Variants in TUBB3 observed in about 807,000 individuals in gnomAD.
TUBB3 encodes the protein tubulin beta-3 chain.
TUBB3 carries 17 observed loss-of-function variants against 37.8 expected under a neutral mutation model. That is an observed-to-expected ratio of 0.45 (90% confidence interval 0.31 to 0.67). The LOEUF (loss-of-function observed/expected upper bound fraction) is 0.67. TUBB3 is among the 30% of genes least tolerant of loss of function. The probability of loss-of-function intolerance (pLI) is 0.07; values close to 1 mark genes in which losing one functional copy is unlikely to be tolerated. For missense variants in TUBB3, 262 were observed against 657.9 expected (o/e 0.40, Z 6.58); for synonymous variants, 332 against 278.9 (o/e 1.19, Z -1.90).
intron 1 of TUBB3, 55 bp from the exon 2 acceptor site, chr16:89,932,516 G>A: frequency 1.4e-6 from 2 of 1,468,214 alleles, no homozygotes; most frequent in South Asian, 2.3e-5. Context: ...AAGGGAAAGG[G>A]CCTGGCTGGG....
chr16:89,922,206 CACAGCCCTGTGCACACAG>C (rs2029906894), upstream of TUBB3: 10 of 152,406 alleles, frequency 6.6e-5, no homozygotes, highest in Admixed American at 6.5e-4. Context: ...GCCACCCACA[CACAGCCCTGTGCACACAG>C]ACCGGACACA....
chr16:89,927,254 G>A (rs2030118977), intron 1 of TUBB3, among the ~76,000 whole-genome samples: 1 of 151,528 alleles, frequency 6.6e-6, no homozygotes, highest in Admixed American at 6.6e-5. Context: ...ATGGAGGCAC[G>A]CCGGCCTGTG....
intron 2 of TUBB3, 161 bp downstream of exon 2, chr16:89,932,840 C>G: frequency 3.0e-6 from 2 of 667,796 alleles, no homozygotes; most frequent in Non-Finnish European, 5.4e-6. Context: ...GGATGTCAGG[C>G]ATCCAGACGC....
chr16:89,925,884 G>A (rs1360080450), intron 1 of TUBB3, among the ~76,000 whole-genome samples: 4 of 152,220 alleles, frequency 2.6e-5, no homozygotes, highest in Non-Finnish European at 5.9e-5. Context: ...GCCGGGTCCC[G>A]GGCGGTCACG....
chr16:89,934,536 C>T (rs1281260964), intron 3 of TUBB3, 193 bp from the exon 4 acceptor site: 2 of 661,784 alleles, frequency 3.0e-6, no homozygotes, highest in Admixed American at 4.5e-5. Context: ...AGCCCTCGTC[C>T]TGAGCACTCA....
At chr16:89,925,431 A>G (rs2030039554) in intron 1 of TUBB3, among the ~76,000 whole-genome samples, 1 of 151,326 alleles carries the variant, frequency 6.6e-6, no homozygotes, top group African/African-American at 2.4e-5. Context: ...GTTTCTTAAA[A>G]AAAAAAAAAA....
chr16:89,932,693 C>G lies in TUBB3; in HGVS notation c.166+14C>G. The G allele has an allele frequency of 6.2e-7, 1 of 1,605,114 alleles. No homozygotes were observed. The highest frequency in any genetic ancestry group is 8.5e-7 in the Non-Finnish European group (1 of 1,172,462). On this transcript the variant is annotated intron_variant, in intron 2 of 3. Transcript: ENST00000315491. ...ACGAGGCCTCTTGTGAGTGCCTGCC[C>G]CAGCCTCCCTATCCCAGCCCTGGAC...
intron 1 of TUBB3, among the ~76,000 whole-genome samples, chr16:89,930,852 G>T (rs539386978): frequency 4.8e-4 from 71 of 149,116 alleles, no homozygotes; most frequent in African/African-American, 1.7e-3. Flanking sequence ...TTTTGAGATG[G>T]TGTCTCACTC....
chr16:89,933,100 T>A (rs1567764139), intron 2 of TUBB3: 4 of 495,866 alleles, frequency 8.1e-6, no homozygotes, highest in Middle Eastern at 4.5e-4. Context: ...TTTAAAATTT[T>A]ATTTAATTTA....
intron 3 of TUBB3, 159 bp from the exon 4 acceptor site, chr16:89,934,570 C>A: frequency 2.7e-6 from 2 of 740,872 alleles, no homozygotes; most frequent in Non-Finnish European, 4.6e-6. Context: ...AGGGAAGCCA[C>A]GGCGGGTATG....
chr16:89,931,969 G>A (rs898250823), intron 1 of TUBB3: 2 of 300,770 alleles, frequency 6.6e-6, no homozygotes, highest in Non-Finnish European at 1.4e-5. Context: ...GGACCCCAAG[G>A]ACCCTTCTGC....
At chr16:89,931,008 T>C (rs1168929617) in intron 1 of TUBB3, among the ~76,000 whole-genome samples, 1 of 152,040 alleles carries the variant, frequency 6.6e-6, no homozygotes, top group Non-Finnish European at 1.5e-5. Flanking sequence ...TTTGTATCTT[T>C]AGTAGAGACG....
intron 2 of TUBB3, 169 bp downstream of exon 2, chr16:89,932,848 C>T (rs976247660): frequency 1.8e-5 from 12 of 657,636 alleles, no homozygotes; most frequent in East Asian, 5.5e-5. Context: ...GGCATCCAGA[C>T]GCACAGAACA....
At chr16:89,931,966 A>G (rs989645000) in intron 1 of TUBB3, 4 of 303,538 alleles carry the variant, frequency 1.3e-5, no homozygotes, top group Non-Finnish European at 2.8e-5. Flanking sequence ...TTGGGACCCC[A>G]AGGACCCTTC....
intron 1 of TUBB3, among the ~76,000 whole-genome samples, chr16:89,926,231 C>T (rs542357452): frequency 6.6e-6 from 1 of 152,206 alleles, no homozygotes; most frequent in East Asian, 1.9e-4. Context: ...TCCGCGCGGG[C>T]TGCGGCACCG....
chr16:89,934,973 G>A lies in TUBB3; in HGVS notation c.522G>A (p.Lys174=). ...CCTTCAGCGTCGTGCCCTCACCCAA[G>A]GTGTCAGACACGGTGGTGGAGCCCT... ...MNTFSVVPSP[K]VSDTVVEPYN... The change falls in exon 4 of 4, where the codon AAG becomes AAA. Residue 174 remains lysine (K), a synonymous_variant. Transcript: ENST00000315491. The A allele has an allele frequency of 6.2e-7, 1 of 1,614,206 alleles. No homozygotes were observed. Among genetic ancestry groups the A allele is most frequent in the Non-Finnish European group, 8.5e-7 (1 of 1,180,038 alleles).
chr16:89,925,759 G>C (rs947382702), intron 1 of TUBB3, among the ~76,000 whole-genome samples: 2 of 152,212 alleles, frequency 1.3e-5, no homozygotes, highest in Admixed American at 6.5e-5. Flanking sequence ...CAGCTGATAG[G>C]GGGTGCAACG....
intron 1 of TUBB3, among the ~76,000 whole-genome samples, chr16:89,927,131 T>G (rs1215710661): frequency 1.3e-5 from 2 of 151,924 alleles, no homozygotes; most frequent in African/African-American, 2.4e-5. Context: ...TCCCAGCACT[T>G]TGGGAGGCCG....
At position 89,930,325 on chromosome 16, in the gene TUBB3, G is replaced by A. The variant is rs1204045626; in HGVS notation, c.58-2246G>A. On this transcript the variant is annotated intron_variant, in intron 1 of 3. Transcript: ENST00000315491. ...TCACTATGTTGGCCAGGCTGGTCTCGAACTCCTGACCTCGTGACCCACCCG... is the reference window on the plus strand; with the variant it reads ...TCACTATGTTGGCCAGGCTGGTCTCAAACTCCTGACCTCGTGACCCACCCG... Among the ~76,000 whole-genome samples the A allele has an allele frequency of 4.6e-5, 7 of 151,536 alleles. No homozygotes were observed. In the South Asian group the frequency reaches 6.2e-4, roughly 14 times the overall value.
Sources: allele counts gnomAD v4.1 joint callset (sites outside exome capture counted in the v4.1 genomes callset), GRCh38; gene constraint gnomAD v4.1.1; transcripts MANE v1.5; gene names NCBI Gene and HGNC (gene_info 2026-07-23, HGNC 2026-07-21).